Variants in FGGY observed in about 807,000 individuals in gnomAD.
The protein encoded by FGGY is FGGY carbohydrate kinase domain-containing protein.
Under a neutral mutation model 71.3 loss-of-function variants are expected in FGGY, and 72 were observed. The ratio of observed to expected loss-of-function variants is 1.01; its 90% confidence interval spans 0.84 to 1.23. FGGY has a LOEUF of 1.23. FGGY is among the 50% of genes most tolerant of loss of function. The pLI is 0.00. For synonymous variants in FGGY, 251 were observed against 250.3 expected (o/e 1.00, Z -0.02); for missense variants, 668 against 682.3 (o/e 0.98, Z 0.23).
At chr1:59,330,654 A>G (rs2048297631) in intron 2 of FGGY, among the ~76,000 whole-genome samples, 1 of 152,182 alleles carries the variant, frequency 6.6e-6, no homozygotes, top group African/African-American at 2.4e-5. Context: ...GTAGGGCAAA[A>G]AGTGACTCTT....
chr1:59,374,854 A>G (rs895706405), intron 4 of FGGY, among the ~76,000 whole-genome samples: 1 of 142,784 alleles, frequency 7.0e-6, no homozygotes, highest in Admixed American at 7.3e-5. Context: ...TGGGAATTGA[A>G]CAATGGGAAC....
chr1:59,698,743 C>T, intron 14 of FGGY: 4 of 985,372 alleles, frequency 4.1e-6, no homozygotes, highest in Non-Finnish European at 4.8e-6. Context: ...GTTCGTTTTC[C>T]ATTTCATCTT....
At chr1:59,567,039 A>T (rs1280681755) in intron 8 of FGGY, among the ~76,000 whole-genome samples, 1 of 152,186 alleles carries the variant, frequency 6.6e-6, no homozygotes, top group African/African-American at 2.4e-5. Context: ...ATACATGAGC[A>T]TAAGGACAGA....
At chr1:59,563,486 A>G (rs1054002305) in intron 8 of FGGY, among the ~76,000 whole-genome samples, 16 of 152,180 alleles carry the variant, frequency 1.1e-4, no homozygotes, top group African/African-American at 3.9e-4. Flanking sequence ...CTTACAGGGG[A>G]TATGAAGGAC....
chr1:59,621,488 T>C (rs955475030), intron 9 of FGGY, among the ~76,000 whole-genome samples: 2 of 149,328 alleles, frequency 1.3e-5, no homozygotes, highest in African/African-American at 4.9e-5. Flanking sequence ...AAAGAACTTG[T>C]CTTAGCATGT....
At chr1:59,711,503 G>C (rs2097793988) in intron 14 of FGGY, among the ~76,000 whole-genome samples, 1 of 152,176 alleles carries the variant, frequency 6.6e-6, no homozygotes, top group South Asian at 2.1e-4. Flanking sequence ...TGCCCAGCTT[G>C]GGCTCTTTCT....
chr1:59,452,298 A>C (rs1300642759), intron 5 of FGGY, among the ~76,000 whole-genome samples: 1 of 152,156 alleles, frequency 6.6e-6, no homozygotes, highest in African/African-American at 2.4e-5. Flanking sequence ...AATTAAGATA[A>C]AGATAAAGAT....
At chr1:59,693,876 G>A (rs562155964) in intron 14 of FGGY, among the ~76,000 whole-genome samples, 1 of 152,070 alleles carries the variant, frequency 6.6e-6, no homozygotes, top group Non-Finnish European at 1.5e-5. Flanking sequence ...ATGTGGTGGT[G>A]TATGCCTATA....
At chr1:59,671,318 G>T (rs995475081) in intron 13 of FGGY, among the ~76,000 whole-genome samples, 1 of 152,232 alleles carries the variant, frequency 6.6e-6, no homozygotes, top group East Asian at 1.9e-4. Context: ...TGTGGGCAGG[G>T]TGCTGGAAGC....
At chr1:59,477,898 G>C (rs991183536) in intron 6 of FGGY, among the ~76,000 whole-genome samples, 12 of 152,152 alleles carry the variant, frequency 7.9e-5, no homozygotes, top group African/African-American at 2.9e-4. Flanking sequence ...ATTGTATGTA[G>C]AGATCTATTG....
In FGGY at chr1:59,583,531, T is replaced by C. The variant is rs748105290; in HGVS notation, c.904-24272T>C. ...TGAGGATTGGTTGAAGTAGTGAGCA[T>C]GAAAGGTCTCTAGAAAACCTTGGTT... is the stretch of plus-strand genomic sequence containing the variant. On this transcript the variant is annotated intron_variant, in intron 8 of 15. Coordinates refer to ENST00000303721, the MANE Select transcript of FGGY (RefSeq NM_018291.5). Among the ~76,000 whole-genome samples, 3 of 143,168 alleles carry C rather than the reference T, an allele frequency of 2.1e-5. 1 individual carries two copies. The highest frequency in any genetic ancestry group is 3.0e-5 in the Non-Finnish European group (2 of 66,488). 93.9% of individuals were successfully genotyped at this position (143,168 alleles called of 152,430 possible).
At chr1:59,580,833 C>T (rs918689274) in intron 8 of FGGY, among the ~76,000 whole-genome samples, 3 of 152,142 alleles carry the variant, frequency 2.0e-5, no homozygotes, top group African/African-American at 7.2e-5. Flanking sequence ...TTTCTTCAAA[C>T]ATCTTTCACT....
At chr1:59,682,623 T>A (rs1293209646) in intron 14 of FGGY, among the ~76,000 whole-genome samples, 2 of 152,166 alleles carry the variant, frequency 1.3e-5, no homozygotes, top group Non-Finnish European at 2.9e-5. Context: ...TTAACCCTAT[T>A]CTCCCTCTCT....
chr1:59,347,957 G>A (rs11799669), intron 4 of FGGY, among the ~76,000 whole-genome samples: 11,239 of 152,126 alleles, frequency 0.074, 477 homozygotes, highest in African/African-American at 0.095. Context: ...TTGACAAATG[G>A]GATCTCATTA....
chr1:59,379,871 A>G (rs890142918), intron 5 of FGGY, among the ~76,000 whole-genome samples: 18 of 151,834 alleles, frequency 1.2e-4, no homozygotes, highest in Non-Finnish European at 1.3e-4. Flanking sequence ...AATTATGTAT[A>G]CATGTGCCAT....
chr1:59,687,472 C>A (rs2097553121), intron 14 of FGGY, among the ~76,000 whole-genome samples: 1 of 145,488 alleles, frequency 6.9e-6, no homozygotes, highest in Non-Finnish European at 1.5e-5. Context: ...AAACTAATTT[C>A]TTTTTTTTTT....
intron 14 of FGGY, among the ~76,000 whole-genome samples, chr1:59,745,090 C>T (rs1215421639): frequency 6.6e-6 from 1 of 152,186 alleles, no homozygotes; most frequent in African/African-American, 2.4e-5. Context: ...CCATCCTTAG[C>T]CTCTCAACTC....
At chr1:59,561,335 C>T (rs1347434161) in intron 8 of FGGY, among the ~76,000 whole-genome samples, 1 of 152,142 alleles carries the variant, frequency 6.6e-6, no homozygotes, top group Non-Finnish European at 1.5e-5. Flanking sequence ...TCAGGACACT[C>T]TCTGTGTCAA....
At chr1:59,389,779 G>A (rs1474858852) in intron 5 of FGGY, among the ~76,000 whole-genome samples, 1 of 152,130 alleles carries the variant, frequency 6.6e-6, no homozygotes, top group Admixed American at 6.6e-5. Context: ...TATACCCATT[G>A]TAGTAGATAT....
Sources: allele counts gnomAD v4.1 joint callset (sites outside exome capture counted in the v4.1 genomes callset), GRCh38; gene constraint gnomAD v4.1.1; transcripts MANE v1.5; gene names NCBI Gene and HGNC (gene_info 2026-07-23, HGNC 2026-07-21).